Variants in FRYL observed in about 807,000 individuals in gnomAD.
The protein encoded by FRYL is FRY like transcription coactivator, also known as protein furry homolog-like.
In FRYL, 150 loss-of-function variants were observed where a neutral mutation model predicts 351.2. The observed-to-expected ratio is 0.43, with a 90% CI of 0.37 to 0.49. The LOEUF (loss-of-function observed/expected upper bound fraction) is 0.49. Ranked by LOEUF, FRYL falls within the 20% of genes least tolerant of loss-of-function variation. The probability of loss-of-function intolerance (pLI) is 0.00; values close to 1 mark genes in which losing one functional copy is unlikely to be tolerated. For synonymous variants in FRYL, 1,153 were observed against 1,257.1 expected, an observed-to-expected ratio of 0.92 and a Z score of 1.75; for missense variants, 3,036 against 3,619.3, an observed-to-expected ratio of 0.84 and a Z score of 4.13.
chr4:48,585,540 T>C (rs1252770596), intron 19 of FRYL, among the ~76,000 whole-genome samples: 4 of 152,222 alleles, frequency 2.6e-5, no homozygotes, highest in Non-Finnish European at 4.4e-5. Context: ...GCTATAGTCA[T>C]TGTATTTGTT....
intron 47 of FRYL, among the ~76,000 whole-genome samples, chr4:48,538,146 G>A (rs1289544013): frequency 6.6e-6 from 1 of 152,078 alleles, no homozygotes; most frequent in East Asian, 1.9e-4. Flanking sequence ...ATTTCTAATA[G>A]TCATAATTTT....
In FRYL at chr4:48,702,571, C is replaced by T. The variant is rs1050417590; in HGVS notation, c.-204+7948G>A. Among the ~76,000 whole-genome samples, 15 of 144,998 alleles carry T rather than the reference C, an allele frequency of 1.0e-4. 1 individual carries two copies. The highest frequency in any genetic ancestry group is 3.6e-4 in the African/African-American group (14 of 39,174). On this transcript the variant is annotated intron_variant, in intron 2 of 63. Transcript: ENST00000358350. ...CAGGCGGATTACGAGGTCAGGAGAT[C>T]GAGACCATGGTGAAACCCCGTCTCT...
chr4:48,721,635 T>G (rs1330122540), intron 1 of FRYL, among the ~76,000 whole-genome samples: 1 of 152,202 alleles, frequency 6.6e-6, no homozygotes, highest in Non-Finnish European at 1.5e-5. Flanking sequence ...TGTTCTGAGA[T>G]TCTTGCTTCC....
At chr4:48,568,220 C>T (rs1184465639) in intron 27 of FRYL, among the ~76,000 whole-genome samples, 1 of 152,134 alleles carries the variant, frequency 6.6e-6, no homozygotes, top group African/African-American at 2.4e-5. Flanking sequence ...ACTGCATTCC[C>T]GCCTTGGTGA....
chr4:48,670,761 T>G (rs1275675521), intron 3 of FRYL, among the ~76,000 whole-genome samples: 1 of 152,200 alleles, frequency 6.6e-6, no homozygotes, highest in Non-Finnish European at 1.5e-5. Flanking sequence ...TCCATGTTGC[T>G]GCAAGTGACA....
intron 3 of FRYL, among the ~76,000 whole-genome samples, chr4:48,683,239 G>A (rs930985960): frequency 1.3e-3 from 198 of 151,122 alleles, no homozygotes; most frequent in African/African-American, 4.8e-3. Flanking sequence ...TGGACACAAG[G>A]AGGGGAATAT....
chr4:48,592,082 T>TAATATATATATA lies in FRYL; in HGVS notation c.1336-1253_1336-1252insTATATATATATT, dbSNP rs888017807. Among the ~76,000 whole-genome samples the TAATATATATATA allele has an allele frequency of 4.0e-4, 47 of 116,204 alleles. 1 individual carries two copies. The highest frequency in any genetic ancestry group is 2.1e-3 in the African/African-American group (46 of 22,242). 76.2% of individuals were successfully genotyped at this position (116,204 alleles called of 152,430 possible). On this transcript the variant is annotated intron_variant, in intron 16 of 63. Transcript: ENST00000358350. ...GGAATACGGGAAGAAAATAAAGCTCTTATATATATATATATATATATATAT... is the reference window on the plus strand; with the variant it reads ...GGAATACGGGAAGAAAATAAAGCTCTAATATATATATATATATATATATATATATATATATAT...
In FRYL at chr4:48,691,821, T is replaced by G. The variant is rs1461347841; in HGVS notation, c.-203-7026A>C. 1.2e-4 allele frequency among the ~76,000 whole-genome samples: 18 copies of G among 152,196 alleles called. 1 individual carries two copies. The highest frequency in any genetic ancestry group is 1.2e-3 in the Admixed American group (18 of 15,282). On this transcript the variant is annotated intron_variant, in intron 2 of 63. Coordinates refer to ENST00000358350, the MANE Select transcript of FRYL (RefSeq NM_015030.2). ...TACATAAATTAAACACTGTATACAC[T>G]GTATACAACCGGAATCATATTGTAC...
chr4:48,677,211 A>G (rs1439509405), intron 3 of FRYL, among the ~76,000 whole-genome samples: 4 of 152,240 alleles, frequency 2.6e-5, no homozygotes, highest in Non-Finnish European at 5.9e-5. Context: ...TTAAAATATC[A>G]TTCCCTTCAA....
chr4:48,528,301 G>GTGCT lies in FRYL; in HGVS notation c.6935_6938dup (p.His2313GlnfsTer18). 6.2e-7 allele frequency: 1 copy of GTGCT among 1,612,902 alleles called. No individual in the cohort carries two copies. Among genetic ancestry groups the GTGCT allele is most frequent in the Non-Finnish European group, 8.5e-7 (1 of 1,179,314 alleles). ...GTTTCCCATTTCTTCCAGCCGCACT[G>GTGCT]TGCTGATCACCATATTTGTTTCCAA... On this transcript the variant is annotated frameshift_variant, in exon 51 of 64. Transcript: ENST00000358350. LOFTEE classifies it high-confidence loss of function.
At chr4:48,756,375 CA>C (rs1773778354) in intron 1 of FRYL, among the ~76,000 whole-genome samples, 2 of 152,142 alleles carry the variant, frequency 1.3e-5, no homozygotes, top group Admixed American at 6.5e-5. Context: ...ATCACTCTCA[CA>C]ACACTGTCAG....
chr4:48,766,617 C>T (rs748286350), intron 1 of FRYL, among the ~76,000 whole-genome samples: 4 of 152,104 alleles, frequency 2.6e-5, no homozygotes, highest in Non-Finnish European at 5.9e-5. Flanking sequence ...TAGGAGGAAC[C>T]GAGAGCAGAC....
chr4:48,570,155 G>C (rs1737980076), intron 27 of FRYL, among the ~76,000 whole-genome samples: 4 of 152,030 alleles, frequency 2.6e-5, no homozygotes, highest in Admixed American at 2.6e-4. Context: ...GACCTTTTTG[G>C]ATATGGTCAC....
intron 33 of FRYL, among the ~76,000 whole-genome samples, chr4:48,560,734 C>T (rs1735311744): frequency 6.6e-6 from 1 of 152,198 alleles, no homozygotes. Context: ...AACAGGTCAA[C>T]TGCTTTCAAG....
chr4:48,592,082 T>TTATATATATATATTA (rs1743420335), intron 16 of FRYL, among the ~76,000 whole-genome samples: 1 of 116,178 alleles, frequency 8.6e-6, no homozygotes, highest in Non-Finnish European at 1.7e-5. Context: ...AATAAAGCTC[T>TTATATATATATATTA]TATATATATA....
At chr4:48,724,435 G>C (rs1769850847) in intron 1 of FRYL, among the ~76,000 whole-genome samples, 1 of 152,124 alleles carries the variant, frequency 6.6e-6, no homozygotes, top group Non-Finnish European at 1.5e-5. Context: ...ACCCTCCAAA[G>C]AGGACTTCCC....
chr4:48,701,155 T>C (rs1183319739), intron 2 of FRYL, among the ~76,000 whole-genome samples: 1 of 152,208 alleles, frequency 6.6e-6, no homozygotes, highest in Non-Finnish European at 1.5e-5. Flanking sequence ...TCTACTATAT[T>C]TCAGATAACA....
chr4:48,730,722 C>A (rs1177486830), intron 1 of FRYL, among the ~76,000 whole-genome samples: 1 of 152,204 alleles, frequency 6.6e-6, no homozygotes, highest in Non-Finnish European at 1.5e-5. Context: ...ACAACAGCTC[C>A]TGAAGGAATC....
intron 13 of FRYL, 42 bp from the exon 14 acceptor site, chr4:48,596,042 C>T (rs1226877862): frequency 7.9e-7 from 1 of 1,270,882 alleles, no homozygotes; most frequent in African/African-American, 1.5e-5. Context: ...ATAATACTTG[C>T]AATCACTTAA....
Sources: gnomAD v4.1 joint callset for allele counts (sites outside exome capture counted in the v4.1 genomes callset) on GRCh38, gnomAD v4.1.1 for gene constraint, MANE v1.5 for transcripts, NCBI Gene and HGNC (gene_info 2026-07-23, HGNC 2026-07-21) for gene names.